Variants in RIPOR2 observed in about 807,000 individuals in gnomAD.
RIPOR2 encodes rho family-interacting cell polarization regulator 2.
In RIPOR2, 39 loss-of-function variants were observed where a neutral mutation model predicts 114.5. That is an observed-to-expected ratio of 0.34 (90% CI 0.26 to 0.44). The LOEUF is 0.44. Among genes scored for constraint, RIPOR2 ranks in the 20% least tolerant of loss-of-function variants. The pLI, the probability that RIPOR2 is intolerant of heterozygous loss-of-function variation, is 1.00. For synonymous variants in RIPOR2, 445 were observed against 484.4 expected (o/e 0.92, Z 1.07); for missense variants, 1,007 against 1,255.1 (o/e 0.80, Z 2.99).
At chr6:24,898,162 T>C (rs1349115057) in intron 1 of RIPOR2, among the ~76,000 whole-genome samples, 1 of 152,142 alleles carries the variant, frequency 6.6e-6, no homozygotes, top group Non-Finnish European at 1.5e-5. Flanking sequence ...TATCCTATTA[T>C]TATCATCATC....
At chr6:25,034,552 C>CA (rs1452481839) in intron 1 of RIPOR2, among the ~76,000 whole-genome samples, 20 of 152,176 alleles carry the variant, frequency 1.3e-4, no homozygotes, top group African/African-American at 4.8e-4. Flanking sequence ...TTTTCTGTTA[C>CA]CAACCAGAGA....
At chr6:25,021,882 C>T (rs909785335) in intron 1 of RIPOR2, among the ~76,000 whole-genome samples, 1 of 152,162 alleles carries the variant, frequency 6.6e-6, no homozygotes, top group Non-Finnish European at 1.5e-5. Context: ...TGTCTATAGT[C>T]TGAGTCAGTG....
intron 1 of RIPOR2, among the ~76,000 whole-genome samples, chr6:24,967,198 C>G (rs142345442): frequency 5.4e-4 from 82 of 152,338 alleles, no homozygotes; most frequent in African/African-American, 1.9e-3. Flanking sequence ...CCTCAGAACT[C>G]TGTCTTGGGA....
intron 1 of RIPOR2, among the ~76,000 whole-genome samples, chr6:24,922,634 T>C (rs1488123912): frequency 6.6e-6 from 1 of 151,772 alleles, no homozygotes. Flanking sequence ...CCGAGGCAGA[T>C]GGATCATTTG....
chr6:24,901,132 T>C (rs1054462061), intron 1 of RIPOR2, among the ~76,000 whole-genome samples: 1 of 152,196 alleles, frequency 6.6e-6, no homozygotes, highest in Admixed American at 6.5e-5. Context: ...CAGAATCTTA[T>C]GTGCCAGGCT....
chr6:24,839,569 AC>A (rs1761435990), intron 13 of RIPOR2: 1 of 1,486,454 alleles, frequency 6.7e-7, no homozygotes, highest in South Asian at 1.2e-5. Flanking sequence ...GGATGGGCAC[AC>A]TGGGATCCAT....
chr6:24,866,883 CTA>C (rs955015569), intron 6 of RIPOR2, among the ~76,000 whole-genome samples: 10 of 152,102 alleles, frequency 6.6e-5, no homozygotes, highest in Admixed American at 1.3e-4. Context: ...GGAAGCTTAA[CTA>C]TAGATCCAGA....
At chr6:24,827,933 T>C (rs1760328053) in intron 18 of RIPOR2, among the ~76,000 whole-genome samples, 1 of 152,226 alleles carries the variant, frequency 6.6e-6, no homozygotes, top group African/African-American at 2.4e-5. Flanking sequence ...TGCCAGATGA[T>C]TGAGTTGCTC....
intron 1 of RIPOR2, among the ~76,000 whole-genome samples, chr6:24,968,509 C>T (rs1430460348): frequency 1.3e-5 from 2 of 152,144 alleles, no homozygotes; most frequent in Non-Finnish European, 2.9e-5. Flanking sequence ...CACTAACCAG[C>T]GGTTCTTAGC....
chr6:24,901,577 C>T lies in RIPOR2; in HGVS notation c.62-25760G>A, dbSNP rs908396232. Among the ~76,000 whole-genome samples the T allele has an allele frequency of 3.3e-5, 5 of 152,284 alleles. No individual in the cohort carries two copies. The East Asian group carries it at 5.8e-4, about 18-fold the overall frequency. On this transcript the variant is annotated intron_variant, in intron 1 of 21. Coordinates refer to ENST00000643898, the MANE Select transcript of RIPOR2 (RefSeq NM_001286445.3). The stretch of plus-strand genomic sequence containing the variant: ...TGGGAGCCTGAAAAGGGAGCAATTC[C>T]TGACCTTTATGTCATTACAGGGGCA...
chr6:25,040,264 C>T (rs1317822715), intron 1 of RIPOR2, among the ~76,000 whole-genome samples: 2 of 152,044 alleles, frequency 1.3e-5, no homozygotes, highest in African/African-American at 4.8e-5. Flanking sequence ...TACAGGTGCC[C>T]ACCACCACGC....
chr6:24,927,992 T>C (rs1176152399), intron 1 of RIPOR2, among the ~76,000 whole-genome samples: 7 of 152,260 alleles, frequency 4.6e-5, no homozygotes, highest in Non-Finnish European at 1.0e-4. Context: ...CTCTAGAAGC[T>C]GTTTGCAGAG....
chr6:24,878,419 T>C (rs1190024771), intron 1 of RIPOR2, among the ~76,000 whole-genome samples: 3 of 152,248 alleles, frequency 2.0e-5, no homozygotes, highest in Admixed American at 6.5e-5. Flanking sequence ...ATGTCTCAAT[T>C]TGGCAAATTT....
intron 1 of RIPOR2, among the ~76,000 whole-genome samples, chr6:24,956,009 CAA>C (rs10587846): frequency 0.7 from 90,435 of 130,094 alleles, 30,473 homozygotes; most frequent in Non-Finnish European, 0.78. Context: ...GACTCTGTCT[CAA>C]AAAAAAAAAA....
chr6:24,876,149 G>A (rs1214177766), intron 1 of RIPOR2, among the ~76,000 whole-genome samples: 1 of 151,994 alleles, frequency 6.6e-6, no homozygotes, highest in East Asian at 1.9e-4. Flanking sequence ...AATTAGCTGG[G>A]CGTGGTGGCG....
intron 1 of RIPOR2, among the ~76,000 whole-genome samples, chr6:24,996,641 A>G (rs778259236): frequency 4.6e-5 from 7 of 152,084 alleles, no homozygotes; most frequent in South Asian, 2.1e-4. Context: ...GACATTTCCA[A>G]TCAACACTGT....
At chr6:24,924,600 T>A (rs1770727496) in intron 1 of RIPOR2, among the ~76,000 whole-genome samples, 1 of 152,128 alleles carries the variant, frequency 6.6e-6, no homozygotes, top group Non-Finnish European at 1.5e-5. Context: ...TTCCAACTGG[T>A]ATTACAGAGC....
chr6:25,016,609 A>G (rs1776015901), intron 1 of RIPOR2, among the ~76,000 whole-genome samples: 1 of 152,256 alleles, frequency 6.6e-6, no homozygotes, highest in African/African-American at 2.4e-5. Flanking sequence ...GGGAACATTA[A>G]GTAACTAGAG....
intron 1 of RIPOR2, among the ~76,000 whole-genome samples, chr6:24,930,510 C>T (rs1178414998): frequency 1.3e-5 from 2 of 152,228 alleles, no homozygotes; most frequent in Admixed American, 6.5e-5. Flanking sequence ...AGACAGCCTG[C>T]ATAGCTTTAG....
Sources: allele counts gnomAD v4.1 joint callset (sites outside exome capture counted in the v4.1 genomes callset), GRCh38; gene constraint gnomAD v4.1.1; transcripts MANE v1.5; gene names NCBI Gene and HGNC (gene_info 2026-07-23, HGNC 2026-07-21).